MEI4: variants seen among roughly 807,000 people sequenced by gnomAD.
MEI4 encodes meiotic double-stranded break formation protein 4.
Under a neutral mutation model 31.4 loss-of-function variants are expected in MEI4, and 27 were observed. The observed-to-expected ratio is 0.86, with a 90% CI of 0.63 to 1.19. The LOEUF is 1.19. Among genes scored for constraint, MEI4 ranks in the 50% most tolerant of loss-of-function variants. The pLI is 0.00. For missense variants in MEI4, 329 were observed against 398.9 expected, an observed-to-expected ratio of 0.82 and a Z score of 1.49; for synonymous variants, 122 against 145.4, an observed-to-expected ratio of 0.84 and a Z score of 1.16.
chr6:77,711,672 T>C (rs1372926713), intron 2 of MEI4, among the ~76,000 whole-genome samples: 1 of 152,208 alleles, frequency 6.6e-6, no homozygotes, highest in Non-Finnish European at 1.5e-5. Context: ...CAAACTCCCT[T>C]GAGTGAATAC....
intron 4 of MEI4, among the ~76,000 whole-genome samples, chr6:77,861,873 G>A (rs1770874705): frequency 6.6e-6 from 1 of 152,108 alleles, no homozygotes; most frequent in African/African-American, 2.4e-5. Context: ...ATTCTTACTG[G>A]TAGACATAAT....
chr6:77,891,696 A>G (rs1199504141), intron 4 of MEI4, among the ~76,000 whole-genome samples: 1 of 151,810 alleles, frequency 6.6e-6, no homozygotes, highest in Admixed American at 6.6e-5. Flanking sequence ...GCTTTTTCAT[A>G]TTTTCATGTT....
intron 2 of MEI4, among the ~76,000 whole-genome samples, chr6:77,759,277 A>T (rs1048874862): frequency 6.6e-6 from 1 of 152,104 alleles, no homozygotes; most frequent in Non-Finnish European, 1.5e-5. Context: ...CAGCCTTCAA[A>T]TACTGATCCT....
intron 4 of MEI4, among the ~76,000 whole-genome samples, chr6:77,862,172 C>G (rs1435453597): frequency 1.3e-5 from 2 of 152,038 alleles, no homozygotes; most frequent in Non-Finnish European, 2.9e-5. Context: ...TCTGCATTTC[C>G]AACTGAGGTA....
intron 3 of MEI4, among the ~76,000 whole-genome samples, chr6:77,804,764 AG>A (rs1432383848): frequency 1.3e-5 from 2 of 152,186 alleles, no homozygotes; most frequent in Non-Finnish European, 2.9e-5. Flanking sequence ...CCATTTTAAA[AG>A]CTTTCCAGGT....
chr6:77,701,026 TGTGATGTGTGGCA>T (rs1200528124), intron 2 of MEI4, among the ~76,000 whole-genome samples: 1 of 152,210 alleles, frequency 6.6e-6, no homozygotes, highest in East Asian at 1.9e-4. Context: ...AAACCTTTTT[TGTGATGTGTGGCA>T]GGTATGGTTA....
chr6:77,883,714 T>TG (rs1562025009), intron 4 of MEI4, among the ~76,000 whole-genome samples: 26 of 42,214 alleles, frequency 6.2e-4, no homozygotes, highest in African/African-American at 3.8e-3. Context: ...TGCTATTATG[T>TG]AAGATATATA....
chr6:77,785,932 G>T (rs1768724754), intron 3 of MEI4, among the ~76,000 whole-genome samples: 2 of 152,056 alleles, frequency 1.3e-5, no homozygotes, highest in African/African-American at 4.8e-5. Flanking sequence ...CAGTATTATA[G>T]TCTTGGATGG....
rs765032302 is a variant in MEI4, at chr6:77,799,901, TGTA to T, written c.769-29026_769-29024del. Reference sequence around the variant, plus strand: ...CATGCTGTTTTGGTTACTGTAGCCTTGTAGTATGATTTGAAGTCAGGTAGTGTG... The same window carrying T: ...CATGCTGTTTTGGTTACTGTAGCCTTGTATGATTTGAAGTCAGGTAGTGTG... On this transcript the variant is annotated intron_variant, in intron 3 of 4. Coordinates refer to ENST00000684080, the MANE Select transcript of MEI4 (RefSeq NM_001322247.2). 2.8e-3 allele frequency among the ~76,000 whole-genome samples: 432 copies of T among 152,312 alleles called. 1 individual carries two copies. Among genetic ancestry groups the T allele is most frequent in the Non-Finnish European group, 5.1e-3 (347 of 68,036 alleles).
intron 4 of MEI4, among the ~76,000 whole-genome samples, chr6:77,857,323 G>C (rs188836994): frequency 7.7e-4 from 118 of 152,270 alleles, no homozygotes; most frequent in Non-Finnish European, 1.4e-3. Context: ...TTGAAGCAGT[G>C]GGAAGGTTTT....
intron 1 of MEI4, among the ~76,000 whole-genome samples, chr6:77,656,669 ACACTT>A (rs1768403038): frequency 1.3e-5 from 2 of 152,178 alleles, no homozygotes; most frequent in Non-Finnish European, 2.9e-5. Context: ...GGTGCATAAA[ACACTT>A]AGATAGTTCT....
intron 2 of MEI4, among the ~76,000 whole-genome samples, chr6:77,731,398 C>A (rs375228731): frequency 2.7e-5 from 4 of 148,076 alleles, no homozygotes; most frequent in African/African-American, 7.5e-5. Flanking sequence ...GCATTTTTTC[C>A]TGTGTTTTTT....
intron 3 of MEI4, among the ~76,000 whole-genome samples, chr6:77,793,418 A>T (rs1768991647): frequency 6.6e-6 from 1 of 152,194 alleles, no homozygotes; most frequent in Non-Finnish European, 1.5e-5. Flanking sequence ...AAATGAAAGG[A>T]CACTAAATAA....
intron 2 of MEI4, among the ~76,000 whole-genome samples, chr6:77,757,200 G>A (rs1335021977): frequency 6.6e-6 from 1 of 152,166 alleles, no homozygotes; most frequent in Non-Finnish European, 1.5e-5. Context: ...ATTGTTTGAT[G>A]AAGCTAGTTT....
chr6:77,735,145 A>G (rs12204315), intron 2 of MEI4, among the ~76,000 whole-genome samples: 41,896 of 151,064 alleles, frequency 0.28, 6,670 homozygotes, highest in South Asian at 0.39. Context: ...TATCTTTGTG[A>G]CATTCTCTGT....
intron 4 of MEI4, among the ~76,000 whole-genome samples, chr6:77,831,858 T>C (rs1770091249): frequency 6.6e-6 from 1 of 151,986 alleles, no homozygotes; most frequent in Non-Finnish European, 1.5e-5. Flanking sequence ...TATAGTTAAT[T>C]ATAACTAAAT....
chr6:77,865,408 T>G (rs1020360534), intron 4 of MEI4, among the ~76,000 whole-genome samples: 1 of 152,006 alleles, frequency 6.6e-6, no homozygotes, highest in African/African-American at 2.4e-5. Flanking sequence ...TCACCGGCAA[T>G]CCCACAGAAA....
At chr6:77,827,476 G>A (rs1172037990) in intron 3 of MEI4, among the ~76,000 whole-genome samples, 2 of 151,316 alleles carry the variant, frequency 1.3e-5, no homozygotes, top group African/African-American at 4.9e-5. Context: ...CAAAATGCAT[G>A]CCCTGTACCT....
Position 77,923,449 on chromosome 6 carries a change from G to C in MEI4, c.*103G>C. ...CAATAGTATTTTAATTAGCATTTTA[G>C]AATTGATCTCTAAATATAATTATCA... is the stretch of plus-strand genomic sequence containing the variant. On this transcript the variant is annotated 3_prime_UTR_variant, in exon 5 of 5. Coordinates refer to ENST00000684080, the MANE Select transcript of MEI4 (RefSeq NM_001322247.2). 1.1e-6 allele frequency: 1 copy of C among 886,646 alleles called. No individual in the cohort carries two copies. Among genetic ancestry groups the C allele is most frequent in the Non-Finnish European group, 1.5e-6 (1 of 675,412 alleles). 54.9% of individuals were successfully genotyped at this position (886,646 alleles called of 1,614,324 possible).
Sources: allele counts gnomAD v4.1 joint callset (sites outside exome capture counted in the v4.1 genomes callset), GRCh38; gene constraint gnomAD v4.1.1; transcripts MANE v1.5; gene names NCBI Gene and HGNC (gene_info 2026-07-23, HGNC 2026-07-21).